Variants in TWSG1 observed in about 807,000 individuals in gnomAD.
TWSG1 encodes twisted gastrulation BMP signaling modulator 1, also known as twisted gastrulation protein homolog 1.
TWSG1 carries 15 observed loss-of-function variants against 23.0 expected under a neutral mutation model. The ratio of observed to expected loss-of-function variants is 0.65; its 90% confidence interval spans 0.44 to 1.00. The LOEUF (loss-of-function observed/expected upper bound fraction) is 1.00. Ranked by LOEUF, TWSG1 falls within the 50% of genes least tolerant of loss-of-function variation. The probability of loss-of-function intolerance (pLI) is 0.00; values close to 1 mark genes in which losing one functional copy is unlikely to be tolerated. For synonymous variants in TWSG1, 86 were observed against 92.8 expected (o/e 0.93, Z 0.42); for missense variants, 242 against 278.7 (o/e 0.87, Z 0.94).
At chr18:9,343,203 T>C (rs2040454063) in intron 2 of TWSG1, among the ~76,000 whole-genome samples, 1 of 142,030 alleles carries the variant, frequency 7.0e-6, no homozygotes, top group African/African-American at 2.6e-5. Context: ...CCCTGTTTTG[T>C]TTTTTGTTAT....
chr18:9,370,486 T>C (rs1446472497), intron 3 of TWSG1, among the ~76,000 whole-genome samples: 1 of 152,232 alleles, frequency 6.6e-6, no homozygotes, highest in Non-Finnish European at 1.5e-5. Flanking sequence ...CAAAGGATAA[T>C]GCCTTATGTA....
At chr18:9,343,700 A>C in intron 2 of TWSG1, among the ~76,000 whole-genome samples, 1 of 152,166 alleles carries the variant, frequency 6.6e-6, no homozygotes, top group East Asian at 1.9e-4. Flanking sequence ...CATTGAGCAT[A>C]ATGTTTTCAT....
chr18:9,399,039 C>T (rs1213459442), intron 4 of TWSG1, among the ~76,000 whole-genome samples: 1 of 151,862 alleles, frequency 6.6e-6, no homozygotes, highest in Non-Finnish European at 1.5e-5. Context: ...AGTTTAAAAG[C>T]ACAGCTGTAT....
chr18:9,378,843 T>C (rs1048892051), intron 3 of TWSG1, among the ~76,000 whole-genome samples: 1 of 151,080 alleles, frequency 6.6e-6, no homozygotes, highest in African/African-American at 2.4e-5. Context: ...TAGCTGGGCA[T>C]TGTGGCTCAC....
chr18:9,348,960 G>A (rs1181111581), intron 2 of TWSG1, among the ~76,000 whole-genome samples: 1 of 152,100 alleles, frequency 6.6e-6, no homozygotes, highest in African/African-American at 2.4e-5. Flanking sequence ...CAGCATGGTT[G>A]CAAAGCAGTA....
chr18:9,399,372 G>C lies in TWSG1; in HGVS notation c.517G>C (p.Asp173His). 3.1e-6 allele frequency: 5 copies of C among 1,607,312 alleles called. No individual in the cohort carries two copies. Among genetic ancestry groups the C allele is most frequent in the Non-Finnish European group, 4.2e-6 (5 of 1,178,150 alleles). ...KEHMCTVVYF[D>H]DCMSIHQCKI... ...ACACATGTGTACTGTGGTTTATTTT[G>C]ATGACTGCATGTCCATACATCAGTG... The change falls in exon 5 of 5, where the codon GAT becomes CAT. Residue 173 changes from aspartate to histidine, a missense_variant. Transcript: ENST00000262120.
At chr18:9,369,128 CAAATAAAT>C (rs201729075) in intron 3 of TWSG1, among the ~76,000 whole-genome samples, 3 of 121,258 alleles carry the variant, frequency 2.5e-5, no homozygotes, top group Admixed American at 8.9e-5. Context: ...AACAAACAAA[CAAATAAAT>C]AAATAAAATA....
chr18:9,370,086 G>A (rs544553280), intron 3 of TWSG1, among the ~76,000 whole-genome samples: 2 of 152,254 alleles, frequency 1.3e-5, no homozygotes, highest in African/African-American at 4.8e-5. Flanking sequence ...TTGGGAGGCT[G>A]AGGTGGGCGG....
At chr18:9,377,812 C>T (rs1255243212) in intron 3 of TWSG1, among the ~76,000 whole-genome samples, 1 of 152,006 alleles carries the variant, frequency 6.6e-6, no homozygotes, top group Non-Finnish European at 1.5e-5. Context: ...CTTGACCTCC[C>T]AGGCTCAAGC....
chr18:9,352,536 T>G (rs1482211220), intron 2 of TWSG1, among the ~76,000 whole-genome samples: 2 of 152,196 alleles, frequency 1.3e-5, no homozygotes, highest in Non-Finnish European at 2.9e-5. Context: ...GGAACACCAT[T>G]CCTTTTTTAT....
intron 2 of TWSG1, among the ~76,000 whole-genome samples, chr18:9,340,369 A>C (rs1377463931): frequency 3.2e-4 from 37 of 116,452 alleles, no homozygotes; most frequent in Middle Eastern, 6.3e-3. Flanking sequence ...CTCCATTTCA[A>C]AAAAAAAAAA....
intron 2 of TWSG1, among the ~76,000 whole-genome samples, chr18:9,356,218 A>G (rs1840865421): frequency 6.6e-6 from 1 of 152,208 alleles, no homozygotes; most frequent in Non-Finnish European, 1.5e-5. Flanking sequence ...TGACTACAGC[A>G]TATTACTCTC....
At chr18:9,375,156 T>G (rs1429185506) in intron 3 of TWSG1, among the ~76,000 whole-genome samples, 16 of 105,526 alleles carry the variant, frequency 1.5e-4, no homozygotes, top group Admixed American at 1.4e-3. Context: ...GACAGAGCGA[T>G]ACTCCGTCTC....
At chr18:9,349,661 TTTC>T (rs1490600317) in intron 2 of TWSG1, among the ~76,000 whole-genome samples, 2 of 152,144 alleles carry the variant, frequency 1.3e-5, no homozygotes, top group Non-Finnish European at 2.9e-5. Context: ...GAATTAACTT[TTTC>T]TTCTTTTTTT....
At chr18:9,368,947 C>CAAAAAAA (rs879284293) in intron 3 of TWSG1, among the ~76,000 whole-genome samples, 1 of 127,794 alleles carries the variant, frequency 7.8e-6, no homozygotes, top group African/African-American at 2.9e-5. Flanking sequence ...GACTCTGTCT[C>CAAAAAAA]AAAAAAAAAA....
At chr18:9,384,332 G>A (rs1013682451) in intron 3 of TWSG1, among the ~76,000 whole-genome samples, 1 of 152,158 alleles carries the variant, frequency 6.6e-6, no homozygotes, top group African/African-American at 2.4e-5. Context: ...GGGCCTATAA[G>A]GTTCCCAAGT....
At chr18:9,348,988 C>G (rs2040489674) in intron 2 of TWSG1, among the ~76,000 whole-genome samples, 1 of 152,100 alleles carries the variant, frequency 6.6e-6, no homozygotes, top group Non-Finnish European at 1.5e-5. Flanking sequence ...TCCTGCCACT[C>G]CTACAAGTTG....
At chr18:9,380,352 T>TCCAGC (rs2040650887) in intron 3 of TWSG1, among the ~76,000 whole-genome samples, 1 of 152,146 alleles carries the variant, frequency 6.6e-6, no homozygotes, top group African/African-American at 2.4e-5. Context: ...AAGCCAGGGT[T>TCCAGC]CCAGCCACGC....
chr18:9,401,217 T>C lies in TWSG1; in HGVS notation c.*1690T>C, dbSNP rs1488374297. 1 of 152,186 alleles carries C rather than the reference T, an allele frequency of 6.6e-6. No homozygotes were observed. The highest frequency in any genetic ancestry group is 1.5e-5 in the Non-Finnish European group (1 of 68,030). 9.4% of individuals were successfully genotyped at this position (152,186 alleles called of 1,614,324 possible). A position where few individuals can be genotyped will look rare whatever the true frequency, so the allele number is the denominator to read the frequency against. On this transcript the variant is annotated 3_prime_UTR_variant, in exon 5 of 5. Transcript: ENST00000262120. ...CTCCTTTTCTTCCTTTTACCTAGAA[T>C]GCCTCATTTAAAAGTGCCTTGAAAA...
Sources: gnomAD v4.1 joint callset for allele counts (sites outside exome capture counted in the v4.1 genomes callset) on GRCh38, gnomAD v4.1.1 for gene constraint, MANE v1.5 for transcripts, NCBI Gene and HGNC (gene_info 2026-07-23, HGNC 2026-07-21) for gene names.